RBFOX1: variants seen among roughly 807,000 people sequenced by gnomAD.
RBFOX1 encodes RNA binding fox-1 homolog 1, also known as RNA binding protein fox-1 homolog 1.
In RBFOX1, 8 loss-of-function variants were observed where a neutral mutation model predicts 57.7. That is an observed-to-expected ratio of 0.14 (90% CI 0.08 to 0.25). The LOEUF (loss-of-function observed/expected upper bound fraction) is 0.25. RBFOX1 is among the 10% of genes least tolerant of loss of function. The pLI is 1.00. For synonymous variants in RBFOX1, 326 were observed against 222.4 expected (o/e 1.47, Z -4.15); for missense variants, 611 against 548.5 (o/e 1.11, Z -1.14).
intron 3 of RBFOX1, among the ~76,000 whole-genome samples, chr16:5,723,322 C>G (rs1463048673): frequency 6.6e-6 from 1 of 152,230 alleles, no homozygotes; most frequent in East Asian, 1.9e-4. Context: ...TGGATGGCAT[C>G]TCAGGTCTGA....
chr16:5,969,298 CTTTTTTTT>C (rs71142659), intron 4 of RBFOX1, among the ~76,000 whole-genome samples: 18 of 83,750 alleles, frequency 2.1e-4, no homozygotes, highest in Admixed American at 5.8e-4. Flanking sequence ...TTCGGTTGTT[CTTTTTTTT>C]TTTTTTTTTT....
At chr16:7,454,807 C>T (rs9925567) in intron 4 of RBFOX1, among the ~76,000 whole-genome samples, 56,441 of 152,050 alleles carry the variant, frequency 0.37, 11,143 homozygotes, top group Non-Finnish European at 0.45. Context: ...TCCTCTTGAC[C>T]TTCTGGGTCC....
chr16:7,365,509 C>T (rs191252608), intron 4 of RBFOX1, among the ~76,000 whole-genome samples: 8 of 152,150 alleles, frequency 5.3e-5, no homozygotes, highest in Admixed American at 1.3e-4. Flanking sequence ...AGGGAACATT[C>T]GGAAATGTGT....
chr16:7,663,143 C>G (rs1474020497), intron 12 of RBFOX1, among the ~76,000 whole-genome samples: 5 of 152,246 alleles, frequency 3.3e-5, no homozygotes, highest in African/African-American at 1.2e-4. Flanking sequence ...TGCTCCCTCT[C>G]TTTCATCAGA....
intron 4 of RBFOX1, among the ~76,000 whole-genome samples, chr16:7,271,594 C>G (rs868190926): frequency 6.6e-6 from 1 of 152,036 alleles, no homozygotes; most frequent in Non-Finnish European, 1.5e-5. Context: ...CATAATTATG[C>G]AAGCAACTTA....
chr16:7,334,983 T>C (rs1805493901), intron 4 of RBFOX1, among the ~76,000 whole-genome samples: 1 of 152,242 alleles, frequency 6.6e-6, no homozygotes, highest in African/African-American at 2.4e-5. Context: ...ATCTCCTTTC[T>C]TTCTCACTGC....
chr16:6,026,461 C>T (rs1313735714), intron 1 of RBFOX1, among the ~76,000 whole-genome samples: 1 of 152,222 alleles, frequency 6.6e-6, no homozygotes, highest in South Asian at 2.1e-4. Flanking sequence ...AGATTTTGAA[C>T]CTGACAGTCT....
At chr16:5,546,185 A>T (rs969017086) in intron 2 of RBFOX1, among the ~76,000 whole-genome samples, 2 of 152,172 alleles carry the variant, frequency 1.3e-5, no homozygotes, top group Admixed American at 1.3e-4. Flanking sequence ...GAACTAAATA[A>T]ATGGAGAGAC....
At chr16:7,089,999 CTG>C (rs2060565593) in intron 4 of RBFOX1, among the ~76,000 whole-genome samples, 2 of 152,006 alleles carry the variant, frequency 1.3e-5, no homozygotes, top group African/African-American at 4.8e-5. Context: ...AGCATTAACA[CTG>C]TGAGGTTGGA....
At chr16:5,640,996 C>G (rs2048850410) in intron 3 of RBFOX1, among the ~76,000 whole-genome samples, 1 of 151,312 alleles carries the variant, frequency 6.6e-6, no homozygotes, top group Non-Finnish European at 1.5e-5. Context: ...ATCATGCATA[C>G]ATATGCACAC....
intron 4 of RBFOX1, among the ~76,000 whole-genome samples, chr16:5,972,957 C>T (rs568712921): frequency 3.9e-5 from 6 of 152,276 alleles, no homozygotes; most frequent in African/African-American, 1.2e-4. Context: ...GTCATCATTT[C>T]TGTTGAGTCC....
At chr16:6,799,576 G>C (rs940704817) in intron 3 of RBFOX1, among the ~76,000 whole-genome samples, 1 of 152,088 alleles carries the variant, frequency 6.6e-6, no homozygotes, top group Non-Finnish European at 1.5e-5. Flanking sequence ...ATAAACACCT[G>C]AGGGAGCGGC....
At chr16:6,958,997 T>A (rs1201129221) in intron 3 of RBFOX1, among the ~76,000 whole-genome samples, 1 of 152,208 alleles carries the variant, frequency 6.6e-6, no homozygotes, top group Non-Finnish European at 1.5e-5. Context: ...GAATTAATTA[T>A]AAGGAGAATA....
chr16:6,887,754 C>A (rs1408687126), intron 3 of RBFOX1, among the ~76,000 whole-genome samples: 3 of 151,894 alleles, frequency 2.0e-5, no homozygotes, highest in Non-Finnish European at 2.9e-5. Context: ...CCTCTGCCTC[C>A]CAGGTTCAAG....
At chr16:5,486,322 A>G (rs185292599) in intron 2 of RBFOX1, among the ~76,000 whole-genome samples, 8 of 152,312 alleles carry the variant, frequency 5.3e-5, no homozygotes, top group Admixed American at 5.2e-4. Flanking sequence ...GGCTCAATGT[A>G]GCTTCCTGTT....
At chr16:7,400,234 C>T (rs1568639667) in intron 4 of RBFOX1, among the ~76,000 whole-genome samples, 1 of 152,154 alleles carries the variant, frequency 6.6e-6, no homozygotes, top group African/African-American at 2.4e-5. Flanking sequence ...ATTGCACCTT[C>T]CCCAAAGCTC....
At chr16:5,787,494 A>T (rs896605658) in intron 3 of RBFOX1, among the ~76,000 whole-genome samples, 1 of 152,188 alleles carries the variant, frequency 6.6e-6, no homozygotes, top group African/African-American at 2.4e-5. Flanking sequence ...CCATGAGGGG[A>T]TGACACTGTA....
intron 10 of RBFOX1, among the ~76,000 whole-genome samples, chr16:7,622,121 C>G (rs896038105): frequency 6.6e-6 from 1 of 152,066 alleles, no homozygotes; most frequent in African/African-American, 2.4e-5. Context: ...GGCCAAAAGT[C>G]TGTAGTTGGT....
intron 3 of RBFOX1, among the ~76,000 whole-genome samples, chr16:7,050,154 C>G (rs1198851618): frequency 7.2e-6 from 1 of 138,300 alleles, no homozygotes; most frequent in Non-Finnish European, 1.6e-5. Flanking sequence ...TCAATGTGGG[C>G]TTTTTTTTTT....
Sources: allele counts gnomAD v4.1 joint callset (sites outside exome capture counted in the v4.1 genomes callset), GRCh38; gene constraint gnomAD v4.1.1; transcripts MANE v1.5; gene names NCBI Gene and HGNC (gene_info 2026-07-23, HGNC 2026-07-21).